The following TDRP variants were observed in gnomAD, a reference collection of about 807,000 sequenced individuals.
The protein encoded by TDRP is testis development-related protein.
Under a neutral mutation model 10.5 loss-of-function variants are expected in TDRP, and 12 were observed. That is an observed-to-expected ratio of 1.15 (90% CI 0.73 to 1.86). The LOEUF (loss-of-function observed/expected upper bound fraction) is 1.86, where lower values mean the gene tolerates loss of function less well. Ranked by LOEUF, TDRP falls within the 40% of genes most tolerant of loss-of-function variation. TDRP has a pLI of 0.00. For missense variants in TDRP, 353 were observed against 229.2 expected, an observed-to-expected ratio of 1.54 and a Z score of -3.49; for synonymous variants, 139 against 95.4, an observed-to-expected ratio of 1.46 and a Z score of -2.67.
At chr8:530,593 C>T (rs901806425) in intron 1 of TDRP, among the ~76,000 whole-genome samples, 3 of 152,206 alleles carry the variant, frequency 2.0e-5, no homozygotes, top group Admixed American at 6.5e-5. Context: ...CATGGAATGT[C>T]CCAATTAGAG....
At chr8:495,817 C>G (rs1030692648) in intron 1 of TDRP, among the ~76,000 whole-genome samples, 1 of 152,186 alleles carries the variant, frequency 6.6e-6, no homozygotes, top group Non-Finnish European at 1.5e-5. Flanking sequence ...GGTGCAATGT[C>G]TGGGGGTCTC....
intron 1 of TDRP, among the ~76,000 whole-genome samples, chr8:500,853 G>C (rs1240942605): frequency 6.6e-6 from 1 of 152,152 alleles, no homozygotes; most frequent in African/African-American, 2.4e-5. Flanking sequence ...ATGTGGGCAA[G>C]ACCAGGAAGT....
In TDRP at chr8:492,417, G is replaced by GCTAT; in HGVS notation, c.536_539dup (p.Ser180ArgfsTer2). On this transcript the variant is annotated stop_gained and frameshift_variant, in exon 3 of 3. Transcript: ENST00000324079. LOFTEE classifies it high-confidence loss of function. ...GCCCCCCTCACTCCGCCTCCTCCGG[G>GCTAT]CTATCTGTCAGGTGGCCTTTACTCT... The GCTAT allele has an allele frequency of 6.4e-7, 1 of 1,560,844 alleles. No homozygotes were observed. The highest frequency in any genetic ancestry group is 8.7e-7 in the Non-Finnish European group (1 of 1,149,774).
In TDRP at chr8:540,058, A is replaced by G. The variant is rs146673075; in HGVS notation, c.108+4592T>C. The stretch of plus-strand genomic sequence containing the variant: ...CCCTATGCAATCCAGTTTAGAGGCA[A>G]CTGATGAACTCTTCTACACTGTCCA... On this transcript the variant is annotated intron_variant, in intron 1 of 2. Coordinates refer to ENST00000324079, the MANE Select transcript of TDRP (RefSeq NM_001384899.1). 3.6e-3 allele frequency among the ~76,000 whole-genome samples: 544 copies of G among 152,340 alleles called. 15 individuals are homozygous for G. The highest frequency in any genetic ancestry group is 0.017 in the East Asian group (90 of 5,188).
intron 1 of TDRP, among the ~76,000 whole-genome samples, chr8:535,436 A>G (rs1261401390): frequency 6.6e-6 from 1 of 152,092 alleles, no homozygotes; most frequent in Non-Finnish European, 1.5e-5. Context: ...ATCAGATAAA[A>G]CGAACATAAA....
chr8:545,202 A>T (rs1240531495), upstream of TDRP, among the ~76,000 whole-genome samples: 2 of 131,734 alleles, frequency 1.5e-5, no homozygotes, highest in Non-Finnish European at 3.2e-5. Context: ...CTACTGAACG[A>T]CGTCCTCACC....
intron 1 of TDRP, among the ~76,000 whole-genome samples, chr8:537,228 G>C (rs551498828): frequency 1.3e-5 from 2 of 152,194 alleles, no homozygotes; most frequent in Non-Finnish European, 2.9e-5. Flanking sequence ...ATACAGCACT[G>C]AGCATTCAGC....
intron 1 of TDRP, among the ~76,000 whole-genome samples, chr8:504,421 G>A (rs1801398132): frequency 6.6e-6 from 1 of 152,088 alleles, no homozygotes; most frequent in Non-Finnish European, 1.5e-5. Flanking sequence ...TCAGTGGGGG[G>A]AGGCAGGGGA....
At chr8:522,874 A>G (rs1801942939) in intron 1 of TDRP, among the ~76,000 whole-genome samples, 1 of 152,326 alleles carries the variant, frequency 6.6e-6, no homozygotes, top group Non-Finnish European at 1.5e-5. Flanking sequence ...TATCTCTTGC[A>G]TGGAATCTTT....
At chr8:504,753 GT>G (rs772317120) in intron 1 of TDRP, among the ~76,000 whole-genome samples, 22 of 152,210 alleles carry the variant, frequency 1.4e-4, no homozygotes, top group Admixed American at 2.0e-4. Flanking sequence ...CTTGATGCCA[GT>G]TAAGTTTGAA....
At chr8:496,154 C>T (rs982078484) in intron 1 of TDRP, among the ~76,000 whole-genome samples, 1 of 152,188 alleles carries the variant, frequency 6.6e-6, no homozygotes, top group East Asian at 1.9e-4. Flanking sequence ...GCAAAAAACA[C>T]TGAGCATCAG....
In TDRP at chr8:527,624, T is replaced by G. The variant is rs148942653; in HGVS notation, c.108+17026A>C. ...CCATACATCTACAGTGAAGTCATTTTTTACAAAGATACCAAGAACATACAT... is the reference window on the plus strand; with the variant it reads ...CCATACATCTACAGTGAAGTCATTTGTTACAAAGATACCAAGAACATACAT... On this transcript the variant is annotated intron_variant, in intron 1 of 2. Coordinates refer to ENST00000324079, the MANE Select transcript of TDRP (RefSeq NM_001384899.1). 1.8e-3 allele frequency among the ~76,000 whole-genome samples: 273 copies of G among 152,266 alleles called. 2 individuals are homozygous for G. Among genetic ancestry groups the G allele is most frequent in the African/African-American group, 6.4e-3 (264 of 41,544 alleles).
chr8:511,236 G>A (rs1801608768), intron 1 of TDRP, among the ~76,000 whole-genome samples: 2 of 152,226 alleles, frequency 1.3e-5, no homozygotes, highest in East Asian at 1.9e-4. Flanking sequence ...GCCTATAGGA[G>A]ACACACTTTA....
At chr8:520,004 G>T (rs372192794) in intron 1 of TDRP, among the ~76,000 whole-genome samples, 1 of 152,222 alleles carries the variant, frequency 6.6e-6, no homozygotes. Flanking sequence ...CACAGAATGG[G>T]AAAGAAAGGG....
At chr8:527,402 G>T (rs1563129207) in intron 1 of TDRP, among the ~76,000 whole-genome samples, 1 of 148,408 alleles carries the variant, frequency 6.7e-6, no homozygotes, top group Admixed American at 6.7e-5. Context: ...CACAGAAATG[G>T]AAAAAAAAAA....
intron 1 of TDRP, among the ~76,000 whole-genome samples, chr8:520,796 T>C (rs769159237): frequency 1.3e-5 from 2 of 152,206 alleles, no homozygotes; most frequent in African/African-American, 2.4e-5. Context: ...AGGTTTTTTG[T>C]TGTTGTTTGG....
At chr8:532,843 T>TC (rs1563131437) in intron 1 of TDRP, among the ~76,000 whole-genome samples, 1 of 151,756 alleles carries the variant, frequency 6.6e-6, no homozygotes, top group East Asian at 1.9e-4. Context: ...CCAGCCACGA[T>TC]CGTTCATTTA....
chr8:542,250 G>A (rs1269208605), intron 1 of TDRP, among the ~76,000 whole-genome samples: 1 of 152,170 alleles, frequency 6.6e-6, no homozygotes, highest in Non-Finnish European at 1.5e-5. Context: ...GGGTTCCGGG[G>A]AGGGAGGGTG....
At chr8:531,767 C>A (rs17813452) in intron 1 of TDRP, among the ~76,000 whole-genome samples, 1 of 152,070 alleles carries the variant, frequency 6.6e-6, no homozygotes, top group Non-Finnish European at 1.5e-5. Flanking sequence ...CATCTTCAGT[C>A]CACAAGCTTA....
Sources: gnomAD v4.1 joint callset for allele counts (sites outside exome capture counted in the v4.1 genomes callset) on GRCh38, gnomAD v4.1.1 for gene constraint, MANE v1.5 for transcripts, NCBI Gene and HGNC (gene_info 2026-07-23, HGNC 2026-07-21) for gene names.